Variants in RBFOX1 observed in about 807,000 individuals in gnomAD.
RBFOX1 encodes the protein RNA binding fox-1 homolog 1, also known as RNA binding protein fox-1 homolog 1.
A neutral mutation model predicts 57.7 loss-of-function variants in RBFOX1; 8 were observed. The ratio of observed to expected loss-of-function variants is 0.14; its 90% CI spans 0.08 to 0.25. RBFOX1 has a LOEUF of 0.25. Ranked by LOEUF, RBFOX1 falls within the 10% of genes least tolerant of loss-of-function variation. RBFOX1 has a pLI of 1.00. For missense variants in RBFOX1, 611 were observed against 548.5 expected (o/e 1.11, Z -1.14); for synonymous variants, 326 against 222.4 (o/e 1.47, Z -4.15).
At chr16:6,383,232 A>T (rs2091972696) in intron 2 of RBFOX1, among the ~76,000 whole-genome samples, 1 of 152,240 alleles carries the variant, frequency 6.6e-6, no homozygotes, top group Admixed American at 6.5e-5. Context: ...GATGAAATAG[A>T]TATCAAATCT....
At chr16:7,092,423 T>A (rs2061008594) in intron 4 of RBFOX1, among the ~76,000 whole-genome samples, 4 of 152,264 alleles carry the variant, frequency 2.6e-5, no homozygotes, top group Admixed American at 2.6e-4. Context: ...ACTTACTGTT[T>A]TGTAACCTGC....
chr16:5,507,189 T>A (rs1470174802), intron 2 of RBFOX1, among the ~76,000 whole-genome samples: 3 of 152,192 alleles, frequency 2.0e-5, no homozygotes. Flanking sequence ...ATTAGAATGA[T>A]GCCTGGCACC....
chr16:7,155,887 T>G (rs973365271), intron 4 of RBFOX1, among the ~76,000 whole-genome samples: 13 of 151,664 alleles, frequency 8.6e-5, no homozygotes, highest in Admixed American at 6.6e-5. Flanking sequence ...TGGATATAAA[T>G]TTTATGTCTC....
intron 5 of RBFOX1, among the ~76,000 whole-genome samples, chr16:7,543,588 T>C (rs911911857): frequency 1.3e-5 from 2 of 152,176 alleles, no homozygotes; most frequent in East Asian, 3.8e-4. Context: ...GTCTTAGGCA[T>C]ATTAAAATTG....
At chr16:5,896,093 G>T (rs2058157556) in intron 4 of RBFOX1, among the ~76,000 whole-genome samples, 1 of 152,176 alleles carries the variant, frequency 6.6e-6, no homozygotes, top group Non-Finnish European at 1.5e-5. Flanking sequence ...GCCGTCAGGA[G>T]AAGGGGACTA....
At chr16:7,159,746 T>C (rs1335688759) in intron 4 of RBFOX1, among the ~76,000 whole-genome samples, 1 of 152,122 alleles carries the variant, frequency 6.6e-6, no homozygotes, top group Non-Finnish European at 1.5e-5. Flanking sequence ...GACCCAGAAA[T>C]TTCTGTCTTT....
chr16:6,320,603 A>G (rs2081652167), intron 2 of RBFOX1, among the ~76,000 whole-genome samples: 1 of 152,136 alleles, frequency 6.6e-6, no homozygotes, highest in Admixed American at 6.5e-5. Flanking sequence ...TACTTAACAT[A>G]CTTATCACCT....
At position 5,292,936 on chromosome 16, in the gene RBFOX1, A is replaced by T. The variant is rs574351019; in HGVS notation, c.219+52831A>T. On this transcript the variant is annotated intron_variant, in intron 1 of 2. Transcript: ENST00000585867. ...CTGTGCCCAGCCTGGAGTTTTTTTT[A>T]AAAGCACATTTCTCTCAAATTAACT... Among the ~76,000 whole-genome samples, 32 of 152,012 alleles carry T rather than the reference A, an allele frequency of 2.1e-4. 1 individual carries two copies. The highest frequency in any genetic ancestry group is 1.4e-3 in the Admixed American group (22 of 15,272).
chr16:5,584,301 T>C (rs2046763138), intron 2 of RBFOX1, among the ~76,000 whole-genome samples: 1 of 152,256 alleles, frequency 6.6e-6, no homozygotes, highest in African/African-American at 2.4e-5. Flanking sequence ...CCTGCTCTTC[T>C]TGTCCTTGGG....
intron 13 of RBFOX1, 109 bp downstream of exon 13, chr16:7,665,077 T>G: frequency 6.2e-7 from 1 of 1,602,982 alleles, no homozygotes; most frequent in African/African-American, 1.3e-5. Flanking sequence ...CTCTCCTTGG[T>G]CTGTAGGAAA....
intron 3 of RBFOX1, among the ~76,000 whole-genome samples, chr16:6,749,746 C>T (rs1395782126): frequency 6.6e-6 from 1 of 152,120 alleles, no homozygotes; most frequent in African/African-American, 2.4e-5. Context: ...ATAACAGCGA[C>T]TTGGAAAGTT....
At chr16:6,645,130 A>G (rs187893801) in intron 2 of RBFOX1, among the ~76,000 whole-genome samples, 1 of 152,108 alleles carries the variant, frequency 6.6e-6, no homozygotes, top group Admixed American at 6.5e-5. Flanking sequence ...GCATCTCTCT[A>G]ATCCCCACCT....
At chr16:6,707,482 T>TTTG (rs1555714709) in intron 3 of RBFOX1, among the ~76,000 whole-genome samples, 2 of 150,940 alleles carry the variant, frequency 1.3e-5, no homozygotes, top group African/African-American at 4.9e-5. Context: ...ATTTTTGTTT[T>TTTG]TTTTTTTTTT....
chr16:7,345,388 G>C, intron 4 of RBFOX1, among the ~76,000 whole-genome samples: 1 of 152,186 alleles, frequency 6.6e-6, no homozygotes, highest in East Asian at 1.9e-4. Context: ...TCTTAATAAG[G>C]CTGTTCGGGC....
intron 2 of RBFOX1, among the ~76,000 whole-genome samples, chr16:5,513,590 T>C (rs2043683616): frequency 6.6e-6 from 1 of 152,190 alleles, no homozygotes; most frequent in Admixed American, 6.5e-5. Flanking sequence ...GATGGAGGAG[T>C]ATCTACATAA....
chr16:7,297,561 A>C (rs1304935684), intron 4 of RBFOX1, among the ~76,000 whole-genome samples: 1 of 152,126 alleles, frequency 6.6e-6, no homozygotes, highest in East Asian at 1.9e-4. Flanking sequence ...GTGGATGTTA[A>C]TTATCTAGAA....
intron 3 of RBFOX1, among the ~76,000 whole-genome samples, chr16:6,719,515 A>C (rs1170863681): frequency 6.6e-6 from 1 of 151,092 alleles, no homozygotes; most frequent in Non-Finnish European, 1.5e-5. Context: ...ATCTTGGCTC[A>C]CTGTTAGCTC....
chr16:7,179,224 T>C (rs77902400), intron 4 of RBFOX1, among the ~76,000 whole-genome samples: 2 of 71,468 alleles, frequency 2.8e-5, no homozygotes, highest in Admixed American at 1.3e-4. Flanking sequence ...TAACCGGGAT[T>C]TTTTTTTTTT....
chr16:6,285,469 C>G (rs545504800), intron 1 of RBFOX1, among the ~76,000 whole-genome samples: 93 of 152,176 alleles, frequency 6.1e-4, no homozygotes, highest in Non-Finnish European at 8.1e-4. Context: ...TCCCACATCT[C>G]TACATATGGC....
Sources: allele counts gnomAD v4.1 joint callset (sites outside exome capture counted in the v4.1 genomes callset), GRCh38; gene constraint gnomAD v4.1.1; transcripts MANE v1.5; gene names NCBI Gene and HGNC (gene_info 2026-07-23, HGNC 2026-07-21).